Variants in CSMD1 observed in about 807,000 individuals in gnomAD.
CSMD1 encodes the protein CUB and sushi domain-containing protein 1.
A neutral mutation model predicts 417.5 loss-of-function variants in CSMD1; 213 were observed. That is an observed-to-expected ratio of 0.51 (90% CI 0.46 to 0.57). The LOEUF (loss-of-function observed/expected upper bound fraction) is 0.57, where lower values mean the gene tolerates loss of function less well. Among genes scored for constraint, CSMD1 ranks in the 20% least tolerant of loss-of-function variants. The pLI, the probability that CSMD1 is intolerant of heterozygous loss-of-function variation, is 0.00. For missense variants in CSMD1, 6,923 were observed against 4,529.7 expected (o/e 1.53, Z -15.17); for synonymous variants, 2,862 against 1,736.8 (o/e 1.65, Z -16.11).
At chr8:3,386,982 G>C (rs951070855) in intron 18 of CSMD1, among the ~76,000 whole-genome samples, 4 of 152,162 alleles carry the variant, frequency 2.6e-5, no homozygotes, top group African/African-American at 7.2e-5. Flanking sequence ...GATTTGTGTA[G>C]GACAACAGGA....
intron 3 of CSMD1, among the ~76,000 whole-genome samples, chr8:4,322,774 C>T (rs1330536065): frequency 6.6e-6 from 1 of 152,186 alleles, no homozygotes; most frequent in Non-Finnish European, 1.5e-5. Flanking sequence ...GTAGGCGGAT[C>T]ACTTGACTTC....
At chr8:4,546,327 C>T (rs73182977) in intron 2 of CSMD1, among the ~76,000 whole-genome samples, 11,947 of 152,154 alleles carry the variant, frequency 0.079, 593 homozygotes, top group South Asian at 0.13. Context: ...TCTGTGTCAA[C>T]TTCACTGGGG....
chr8:4,748,126 G>A (rs1811073507), intron 1 of CSMD1, among the ~76,000 whole-genome samples: 1 of 152,096 alleles, frequency 6.6e-6, no homozygotes, highest in African/African-American at 2.4e-5. Flanking sequence ...ACAATGACAT[G>A]CTACCAACCA....
intron 1 of CSMD1, among the ~76,000 whole-genome samples, chr8:4,757,284 T>G (rs1811725715): frequency 6.6e-6 from 1 of 152,170 alleles, no homozygotes. Flanking sequence ...ATAATGGAAA[T>G]AAAAGATATA....
intron 45 of CSMD1, among the ~76,000 whole-genome samples, 162 bp downstream of exon 45, chr8:3,107,556 T>G (rs891645191): frequency 1.3e-5 from 2 of 151,912 alleles, no homozygotes; most frequent in Non-Finnish European, 1.5e-5. Context: ...ATGACCTCCG[T>G]ATAAGTTCTC....
intron 1 of CSMD1, among the ~76,000 whole-genome samples, chr8:4,673,147 G>A (rs577864652): frequency 6.6e-6 from 1 of 151,886 alleles, no homozygotes; most frequent in Admixed American, 6.6e-5. Flanking sequence ...ACATTGAGGG[G>A]AAAAAGGGAT....
intron 5 of CSMD1, among the ~76,000 whole-genome samples, chr8:3,979,165 C>A (rs938383690): frequency 2.0e-5 from 3 of 152,218 alleles, no homozygotes; most frequent in Non-Finnish European, 2.9e-5. Flanking sequence ...TTTACAACAC[C>A]TGTGAGATCT....
chr8:4,115,709 T>G (rs953240526), intron 3 of CSMD1, among the ~76,000 whole-genome samples: 3 of 152,066 alleles, frequency 2.0e-5, no homozygotes, highest in Non-Finnish European at 4.4e-5. Context: ...GGTGAGTGAA[T>G]AAACTGTGGG....
intron 5 of CSMD1, among the ~76,000 whole-genome samples, chr8:3,808,792 G>T (rs4521787): frequency 6.6e-6 from 1 of 152,142 alleles, no homozygotes; most frequent in African/African-American, 2.4e-5. Context: ...CTCGGAATTG[G>T]AAAATTTCAA....
intron 1 of CSMD1, among the ~76,000 whole-genome samples, chr8:4,925,692 G>A (rs933954333): frequency 1.1e-4 from 17 of 151,866 alleles, no homozygotes; most frequent in African/African-American, 2.4e-4. Context: ...GACTACAGGC[G>A]CCCGCCACCA....
At chr8:4,019,814 C>A (rs970790853) in intron 4 of CSMD1, among the ~76,000 whole-genome samples, 6 of 151,538 alleles carry the variant, frequency 4.0e-5, no homozygotes, top group Non-Finnish European at 7.4e-5. Context: ...ACAGGCCTTT[C>A]TTTCACTAGG....
chr8:3,641,809 A>G (rs574610242), intron 7 of CSMD1, among the ~76,000 whole-genome samples: 1 of 152,306 alleles, frequency 6.6e-6, no homozygotes, highest in East Asian at 1.9e-4. Context: ...ATCTGTTGTG[A>G]CCTTTGTCGA....
chr8:3,071,732 T>C (rs754832419), intron 49 of CSMD1, among the ~76,000 whole-genome samples: 1 of 152,222 alleles, frequency 6.6e-6, no homozygotes. Context: ...CAGCCACTAA[T>C]TCACCTGACA....
intron 3 of CSMD1, among the ~76,000 whole-genome samples, chr8:4,377,416 T>G (rs1482444750): frequency 6.6e-6 from 1 of 152,144 alleles, no homozygotes; most frequent in Non-Finnish European, 1.5e-5. Context: ...ATCTATTCAG[T>G]TTTCAATGCG....
At chr8:4,833,855 C>G (rs1800296239) in intron 1 of CSMD1, among the ~76,000 whole-genome samples, 1 of 152,212 alleles carries the variant, frequency 6.6e-6, no homozygotes, top group African/African-American at 2.4e-5. Flanking sequence ...TTGGCTAGCT[C>G]TGTACTCTAG....
chr8:3,944,786 G>A (rs938880318), intron 5 of CSMD1, among the ~76,000 whole-genome samples: 1 of 152,066 alleles, frequency 6.6e-6, no homozygotes, highest in Non-Finnish European at 1.5e-5. Context: ...ATACCCAAAT[G>A]ATCTATTCTG....
chr8:4,667,255 G>C (rs1410674079), intron 1 of CSMD1, among the ~76,000 whole-genome samples: 1 of 151,940 alleles, frequency 6.6e-6, no homozygotes, highest in Non-Finnish European at 1.5e-5. Context: ...GATTACTGTA[G>C]CATGAAAAGA....
intron 26 of CSMD1, among the ~76,000 whole-genome samples, chr8:3,241,973 T>G (rs111279098): frequency 4.6e-5 from 5 of 107,816 alleles, no homozygotes; most frequent in African/African-American, 6.8e-5. Context: ...TAAGACGGCC[T>G]TTTGACCTTT....
At chr8:4,390,502 T>A (rs1025914610) in intron 3 of CSMD1, among the ~76,000 whole-genome samples, 1 of 61,844 alleles carries the variant, frequency 1.6e-5, no homozygotes, top group Non-Finnish European at 3.4e-5. Flanking sequence ...TCCATTTTTA[T>A]TTATTTATTT....
Sources: gnomAD v4.1 joint callset for allele counts (sites outside exome capture counted in the v4.1 genomes callset) on GRCh38, gnomAD v4.1.1 for gene constraint, MANE v1.5 for transcripts, NCBI Gene and HGNC (gene_info 2026-07-23, HGNC 2026-07-21) for gene names.